The following SLC35A5 variants were observed in gnomAD, a reference collection of about 807,000 sequenced individuals.
The protein encoded by SLC35A5 is UDP-sugar transporter protein SLC35A5.
Under a neutral mutation model 36.3 loss-of-function variants are expected in SLC35A5, and 28 were observed. That is an observed-to-expected ratio of 0.77 (90% CI 0.57 to 1.06). SLC35A5 has a LOEUF of 1.06. SLC35A5 is among the 50% of genes least tolerant of loss of function. The pLI is 0.00. For missense variants in SLC35A5, 521 were observed against 499.3 expected, an observed-to-expected ratio of 1.04 and a Z score of -0.41; for synonymous variants, 180 against 173.7, an observed-to-expected ratio of 1.04 and a Z score of -0.29.
intron 5 of SLC35A5, among the ~76,000 whole-genome samples, chr3:112,577,075 TA>T (rs71625220): frequency 1.7e-5 from 2 of 119,754 alleles, no homozygotes; most frequent in East Asian, 4.6e-4. Context: ...GAATAATTTT[TA>T]AAAAAAATTT....
chr3:112,571,923 GTTTTTTTTTTTTTT>G (rs58561218), intron 4 of SLC35A5, among the ~76,000 whole-genome samples: 3 of 53,824 alleles, frequency 5.6e-5, no homozygotes, highest in African/African-American at 2.1e-4. Context: ...ACTTTCCACA[GTTTTTTTTTTTTTT>G]TTTTTTTTTT....
Position 112,569,188 on chromosome 3 carries a change from C to G in SLC35A5, c.148C>G (p.Leu50Val). The G allele has an allele frequency of 6.2e-7, 1 of 1,613,050 alleles. No individual in the cohort carries two copies. Among genetic ancestry groups the G allele is most frequent in the East Asian group, 2.2e-5 (1 of 44,826 alleles). Residue 50 changes from leucine to valine, a missense_variant, in exon 3 of 7, where the codon CTT (leucine) becomes GTT (valine). By Grantham distance (32) the Leu-to-Val change is conservative. Coordinates refer to ENST00000492406, the MANE Select transcript of SLC35A5 (RefSeq NM_017945.5). ...SANEENKYDY[L>V]PTTVNVCSEL... is the part of the protein sequence containing the mutation. ...CATTTCAGAAAACAAGTATGATTAT[C>G]TTCCAACTACTGTGAATGTGTGCTC...
chr3:112,575,784 G>T (rs1934643607), intron 5 of SLC35A5, among the ~76,000 whole-genome samples: 1 of 130,854 alleles, frequency 7.6e-6, no homozygotes. Context: ...TTTTGAGACA[G>T]AGTCTTACTC....
chr3:112,579,516 T>G (rs1934807577), intron 5 of SLC35A5, among the ~76,000 whole-genome samples: 1 of 152,178 alleles, frequency 6.6e-6, no homozygotes, highest in Non-Finnish European at 1.5e-5. Context: ...TATTCCTCTT[T>G]GTCAACATTG....
intron 4 of SLC35A5, among the ~76,000 whole-genome samples, chr3:112,571,068 C>T (rs1934414067): frequency 6.6e-6 from 1 of 152,152 alleles, no homozygotes; most frequent in Non-Finnish European, 1.5e-5. Flanking sequence ...CTCAATGTAC[C>T]TTTCTTACAC....
chr3:112,585,182 C>T lies in SLC35A5; in HGVS notation c.*2446C>T, dbSNP rs1256397253. On this transcript the variant is annotated 3_prime_UTR_variant, in exon 7 of 7. Transcript: ENST00000492406. ...CTGAAGGCGAAACAGAAGCAAGCAC[C>T]TTCTTCACAAGGCAGCAGGAGAGAG... 6.6e-6 allele frequency: 1 copy of T among 150,966 alleles called. No homozygotes were observed. The highest frequency in any genetic ancestry group is 6.6e-5 in the Admixed American group (1 of 15,198). The allele number at this position is 150,966 out of a possible 1,614,324, so 9.4% of individuals were successfully genotyped here.
rs774774004 is a variant in SLC35A5 at position 112,569,261 on chromosome 3, T to C, written c.221T>C (p.Ile74Thr). The change falls in exon 3 of 7, where the codon ATA becomes ACA. Residue 74 changes from isoleucine (I) to threonine (T), a missense_variant. Ile to Thr is a moderately conservative substitution (Grantham distance 89). Coordinates refer to ENST00000492406, the MANE Select transcript of SLC35A5 (RefSeq NM_017945.5). ...VFCVLVSFCV[I>T]KKDHQSRNLK... Reference sequence around the variant, plus strand: ...TGTGTGCTTGTGTCATTCTGTGTTATAAAGAAAGGTAAGTCTTGAAATGGT... The same window carrying C: ...TGTGTGCTTGTGTCATTCTGTGTTACAAAGAAAGGTAAGTCTTGAAATGGT... 21 of 1,613,504 alleles carry C rather than the reference T, an allele frequency of 1.3e-5. No homozygotes were observed. The highest frequency in any genetic ancestry group is 2.7e-5 in the African/African-American group (2 of 74,918).
chr3:112,574,570 A>C (rs1448474635), intron 5 of SLC35A5, among the ~76,000 whole-genome samples: 1 of 152,204 alleles, frequency 6.6e-6, no homozygotes, highest in East Asian at 1.9e-4. Context: ...GAGTGTCCTA[A>C]GGCAGGAAGA....
chr3:112,572,133 G>A (rs1016285891), intron 4 of SLC35A5, among the ~76,000 whole-genome samples: 11 of 148,672 alleles, frequency 7.4e-5, no homozygotes, highest in South Asian at 2.2e-4. Context: ...TAGTAGAGAC[G>A]GGGTTTCACC....
intron 2 of SLC35A5, among the ~76,000 whole-genome samples, chr3:112,566,621 A>T (rs1306989653): frequency 2.0e-5 from 3 of 152,248 alleles, no homozygotes; most frequent in Non-Finnish European, 2.9e-5. Flanking sequence ...GAAAGGAAAG[A>T]AAGTTTGAAG....
chr3:112,570,551 A>G lies in SLC35A5; in HGVS notation c.241A>G (p.Arg81Gly). ...FCVIKKDHQS[R>G]NLKYASWKEF... ...TGTTTCTTTCTAAGATCATCAAAGT[A>G]GAAATTTGAAATATGCTTCCTGGAA... Residue 81 changes from arginine to glycine, a missense_variant, in exon 4 of 7, where the codon AGA becomes GGA. By Grantham distance (125) the Arg-to-Gly change is moderately radical (BLOSUM62 -2). Transcript: ENST00000492406. The G allele has an allele frequency of 6.2e-7, 1 of 1,606,132 alleles. No homozygotes were observed. The highest frequency in any genetic ancestry group is 8.5e-7 in the Non-Finnish European group (1 of 1,177,674).
At chr3:112,563,273 TATAGTC>T (rs1934023865) in intron 1 of SLC35A5, 106 bp from the exon 2 acceptor site, 6 of 863,030 alleles carry the variant, frequency 7.0e-6, no homozygotes, top group Admixed American at 3.5e-5. Flanking sequence ...TTGGTGCTGA[TATAGTC>T]ATAGCCAAAA....
At chr3:112,573,345 G>A (rs1934530977) in intron 4 of SLC35A5, among the ~76,000 whole-genome samples, 2 of 152,192 alleles carry the variant, frequency 1.3e-5, no homozygotes. Flanking sequence ...AAATCTGGCT[G>A]ATACATTTCT....
At chr3:112,573,073 A>G (rs984113269) in intron 4 of SLC35A5, among the ~76,000 whole-genome samples, 2 of 152,156 alleles carry the variant, frequency 1.3e-5, no homozygotes, top group African/African-American at 4.8e-5. Flanking sequence ...ATTTAGCTTC[A>G]TATTAGCCAT....
rs555075877 is a variant in SLC35A5, at chr3:112,585,022, G to A, written c.*2286G>A. 29 of 152,312 alleles carry A rather than the reference G, an allele frequency of 1.9e-4. No homozygotes were observed. The highest frequency in any genetic ancestry group is 6.7e-4 in the African/African-American group (28 of 41,572). 9.4% of individuals were successfully genotyped at this position (152,312 alleles called of 1,614,324 possible). A position where few individuals can be genotyped will look rare whatever the true frequency, so the allele number is the denominator to read the frequency against. ...TGGACACAGGATTCCAAAGTGAGAA[G>A]GGTGGTGTATTAGTCCATTCTCATG... On this transcript the variant is annotated 3_prime_UTR_variant, in exon 7 of 7. Transcript: ENST00000492406.
At chr3:112,569,318 A>G (rs1339005249) in intron 3 of SLC35A5, 49 bp downstream of exon 3, 5 of 1,409,590 alleles carry the variant, frequency 3.5e-6, no homozygotes, top group South Asian at 2.4e-5. Context: ...GGACCAAAAA[A>G]TGTTAGAACT....
At chr3:112,561,348 G>T, upstream of SLC35A5, 2 of 1,152,114 alleles carry the variant, frequency 1.7e-6, no homozygotes, top group Non-Finnish European at 2.5e-6. Flanking sequence ...GAGCCCTACT[G>T]CCTTCCTACA....
intron 2 of SLC35A5, among the ~76,000 whole-genome samples, chr3:112,564,654 G>A (rs1271132945): frequency 1.3e-5 from 2 of 152,268 alleles, no homozygotes; most frequent in Non-Finnish European, 2.9e-5. Context: ...GGGACGGTCA[G>A]GTCTTTCCCT....
At position 112,583,024 on chromosome 3, in the gene SLC35A5, T is replaced by A. The variant is rs917357225; in HGVS notation, c.*288T>A. ...AGATTATTTTCCTTGGCCTTCAAGC[T>A]TCCAAAAAACTTGTAATAATCATGT... On this transcript the variant is annotated 3_prime_UTR_variant, in exon 7 of 7. Transcript: ENST00000492406. The A allele has an allele frequency of 2.3e-6, 1 of 438,298 alleles. No individual in the cohort carries two copies. The allele number at this position is 438,298 out of a possible 1,614,324, so 27.2% of individuals were successfully genotyped here. A position where few individuals can be genotyped will look rare whatever the true frequency, so the allele number is the denominator to read the frequency against.
Sources: allele counts gnomAD v4.1 joint callset (sites outside exome capture counted in the v4.1 genomes callset), GRCh38; gene constraint gnomAD v4.1.1; transcripts MANE v1.5; gene names NCBI Gene and HGNC (gene_info 2026-07-23, HGNC 2026-07-21).